Variants in GAD2 observed in about 807,000 individuals in gnomAD.
GAD2 encodes glutamate decarboxylase 2.
Under a neutral mutation model 80.1 loss-of-function variants are expected in GAD2, and 22 were observed. The ratio of observed to expected loss-of-function variants is 0.27; its 90% confidence interval spans 0.20 to 0.39. The LOEUF (loss-of-function observed/expected upper bound fraction) is 0.39. GAD2 is among the 10% of genes least tolerant of loss of function. The pLI is 1.00. For synonymous variants in GAD2, 274 were observed against 256.9 expected, an observed-to-expected ratio of 1.07 and a Z score of -0.64; for missense variants, 624 against 738.4, an observed-to-expected ratio of 0.85 and a Z score of 1.80.
chr10:26,286,537 C>A lies in GAD2; in HGVS notation c.1386+43C>A, dbSNP rs200978204. On this transcript the variant is annotated intron_variant, in intron 13 of 15. Transcript: ENST00000376261. ...AGCTAAATGTCAACTAAAAACAGAACCTTTATCTGGTGACCCCATTATGAA... is the reference window on the plus strand; with the variant it reads ...AGCTAAATGTCAACTAAAAACAGAAACTTTATCTGGTGACCCCATTATGAA... 42 of 1,549,756 alleles carry A rather than the reference C, an allele frequency of 2.7e-5. 1 individual carries two copies. The highest frequency in any genetic ancestry group is 4.2e-5 in the African/African-American group (3 of 71,704).
rs766382843 is a variant in GAD2, at chr10:26,245,990, T to C, written c.910T>C (p.Cys304Arg). The change falls in exon 8 of 16, where the codon TGT (cysteine) becomes CGT (arginine). Residue 304 changes from cysteine to arginine, a missense_variant. Transcript: ENST00000376261. ...IGTDSVILIK[C>R]DERGKMIPSD... ...AACAGACAGCGTGATTCTGATTAAA[T>C]GTGATGAGAGGTGAGCACGCATCGG... is the stretch of plus-strand genomic sequence containing the variant. 1 of 1,614,022 alleles carries C rather than the reference T, an allele frequency of 6.2e-7. No homozygotes were observed. The highest frequency in any genetic ancestry group is 8.5e-7 in the Non-Finnish European group (1 of 1,179,902).
upstream of GAD2, chr10:26,216,619 G>A: frequency 4.4e-6 from 2 of 453,864 alleles, no homozygotes; most frequent in Non-Finnish European, 7.7e-6. The surrounding 1 kb of genome is among the most constrained non-coding windows in gnomAD (Gnocchi z 4.7). Flanking sequence ...TCTCCAGCTC[G>A]CATACACACA....
At chr10:26,296,748 TG>T (rs972751609) in intron 15 of GAD2, among the ~76,000 whole-genome samples, 2 of 152,226 alleles carry the variant, frequency 1.3e-5, no homozygotes, top group African/African-American at 4.8e-5. Flanking sequence ...TATCTGGTTC[TG>T]TCAGCTTTTA....
intron 8 of GAD2, among the ~76,000 whole-genome samples, chr10:26,253,596 G>A (rs1251146886): frequency 6.6e-6 from 1 of 152,224 alleles, no homozygotes; most frequent in Non-Finnish European, 1.5e-5. Context: ...AATTTGGAAG[G>A]ATGGGGAGTT....
chr10:26,218,249 G>T (rs1844406667), intron 3 of GAD2: 2 of 393,276 alleles, frequency 5.1e-6, no homozygotes. Flanking sequence ...TTGGGATGGC[G>T]GGTGGCCGAC....
At chr10:26,226,674 A>G (rs1178263889) in intron 6 of GAD2, among the ~76,000 whole-genome samples, 2 of 152,218 alleles carry the variant, frequency 1.3e-5, no homozygotes, top group Non-Finnish European at 2.9e-5. Context: ...TGCATCTGGG[A>G]TCTAAAAGTC....
chr10:26,243,338 G>C (rs1395910106), intron 7 of GAD2, among the ~76,000 whole-genome samples: 1 of 152,182 alleles, frequency 6.6e-6, no homozygotes, highest in African/African-American at 2.4e-5. Flanking sequence ...TTCCTGTGCT[G>C]TGTGTTTGAG....
chr10:26,271,070 C>T (rs1210015074), intron 10 of GAD2, among the ~76,000 whole-genome samples: 1 of 152,174 alleles, frequency 6.6e-6, no homozygotes, highest in African/African-American at 2.4e-5. Context: ...AGGAATACAA[C>T]CTACGCACAC....
At chr10:26,218,440 A>G (rs1844409671) in intron 3 of GAD2, 2 of 160,816 alleles carry the variant, frequency 1.2e-5, no homozygotes, top group African/African-American at 4.8e-5. Context: ...GATTCCATTC[A>G]CATGAAACCC....
intron 11 of GAD2, among the ~76,000 whole-genome samples, chr10:26,274,176 T>C (rs1040607343): frequency 1.3e-5 from 2 of 152,250 alleles, no homozygotes; most frequent in Admixed American, 1.3e-4. Flanking sequence ...GGGTCTAAGA[T>C]GGCCAGTTCA....
At chr10:26,265,243 C>T (rs1021703947) in intron 8 of GAD2, among the ~76,000 whole-genome samples, 16 of 147,936 alleles carry the variant, frequency 1.1e-4, no homozygotes, top group African/African-American at 2.8e-4. Flanking sequence ...CTCACTCTGT[C>T]GCCAGGCTGG....
intron 8 of GAD2, among the ~76,000 whole-genome samples, chr10:26,258,249 T>A (rs765759801): frequency 9.9e-5 from 15 of 152,268 alleles, no homozygotes; most frequent in Non-Finnish European, 2.1e-4. Flanking sequence ...ACAAGTTTTC[T>A]ATCATAGCCC....
At chr10:26,256,622 T>G (rs1282081067) in intron 8 of GAD2, among the ~76,000 whole-genome samples, 1 of 152,182 alleles carries the variant, frequency 6.6e-6, no homozygotes, top group Non-Finnish European at 1.5e-5. Context: ...GTGATTTGGA[T>G]TCATCTGGTG....
intron 11 of GAD2, among the ~76,000 whole-genome samples, chr10:26,276,264 G>A (rs1845200535): frequency 6.6e-6 from 1 of 152,144 alleles, no homozygotes; most frequent in Non-Finnish European, 1.5e-5. Flanking sequence ...TCAGAAAACA[G>A]CTCTCTTCCT....
intron 7 of GAD2, among the ~76,000 whole-genome samples, chr10:26,237,099 G>A (rs1420079444): frequency 6.6e-6 from 1 of 152,164 alleles, no homozygotes; most frequent in Non-Finnish European, 1.5e-5. Context: ...GCCAGGCGTT[G>A]CTTCTGGCAC....
At chr10:26,218,129 A>G (rs1404055828) in intron 3 of GAD2, 138 bp downstream of exon 3, 2 of 954,300 alleles carry the variant, frequency 2.1e-6, no homozygotes, top group African/African-American at 3.5e-5. Context: ...CAGAATCTTC[A>G]GATAAAAGCG....
intron 8 of GAD2, among the ~76,000 whole-genome samples, chr10:26,267,294 A>G (rs1027769445): frequency 1.3e-5 from 2 of 152,252 alleles, no homozygotes; most frequent in Admixed American, 1.3e-4. Flanking sequence ...TTTAAACTTT[A>G]TGTAAAAGAT....
rs986595816 is a variant in GAD2, at chr10:26,296,375, A to G, written c.1584+3384A>G. Among the ~76,000 whole-genome samples the G allele has an allele frequency of 2.2e-4, 33 of 152,236 alleles. 1 individual carries two copies. Among genetic ancestry groups the G allele is most frequent in the African/African-American group, 8.0e-4 (33 of 41,466 alleles). On this transcript the variant is annotated intron_variant, in intron 15 of 15. Transcript: ENST00000376261. ...TTAGGAAACCTAATAGTGGCTCATA[A>G]GCCTTTTTCCAGAGTGCACTATTTG... is the stretch of plus-strand genomic sequence containing the variant.
At chr10:26,247,930 A>G (rs1170470450) in intron 8 of GAD2, among the ~76,000 whole-genome samples, 4 of 151,170 alleles carry the variant, frequency 2.6e-5, no homozygotes, top group East Asian at 1.9e-4. Flanking sequence ...AAAAAAAAAA[A>G]AGAAAGCTCT....
Sources: gnomAD v4.1 joint callset for allele counts (sites outside exome capture counted in the v4.1 genomes callset) on GRCh38, gnomAD v4.1.1 for gene constraint, Gnocchi (gnomAD v3.1) non-coding constraint, MANE v1.5 for transcripts, NCBI Gene and HGNC (gene_info 2026-07-23, HGNC 2026-07-21) for gene names.